Variants in PDPR observed in about 807,000 individuals in gnomAD.
PDPR encodes pyruvate dehydrogenase phosphatase regulatory subunit.
Under a neutral mutation model 102.2 loss-of-function variants are expected in PDPR, and 50 were observed. The ratio of observed to expected loss-of-function variants is 0.49; its 90% CI spans 0.39 to 0.62. The LOEUF is 0.62. Among genes scored for constraint, PDPR ranks in the 20% least tolerant of loss-of-function variants. The pLI is 0.00. For synonymous variants in PDPR, 259 were observed against 406.0 expected, an observed-to-expected ratio of 0.64 and a Z score of 4.35; for missense variants, 625 against 1,098.2, an observed-to-expected ratio of 0.57 and a Z score of 6.09.
chr16:70,131,037 T>G (rs1329532516), intron 7 of PDPR, among the ~76,000 whole-genome samples: 1 of 152,266 alleles, frequency 6.6e-6, no homozygotes, highest in Admixed American at 6.5e-5. Flanking sequence ...AGGCGTTTTA[T>G]CAAAAGGACC....
rs1567572099 is a variant in PDPR at position 70,159,981 on chromosome 16, G to A, written c.*3102G>A. The A allele has an allele frequency of 6.5e-6, 1 of 153,252 alleles. No homozygotes were observed. Among genetic ancestry groups the A allele is most frequent in the African/African-American group, 2.4e-5 (1 of 41,496 alleles). 9.5% of individuals were successfully genotyped at this position (153,252 alleles called of 1,614,324 possible). On this transcript the variant is annotated 3_prime_UTR_variant, in exon 19 of 19. Coordinates refer to ENST00000288050, the MANE Select transcript of PDPR (RefSeq NM_017990.5). ...GGGTGACTGGACTTGGCTTTACAGA[G>A]TTGGGTGCTTTTTTCTCTCTGCAAT... is the stretch of plus-strand genomic sequence containing the variant.
intron 3 of PDPR, among the ~76,000 whole-genome samples, chr16:70,126,610 A>C (rs1253527547): frequency 6.6e-6 from 1 of 152,340 alleles, no homozygotes; most frequent in South Asian, 2.1e-4. Context: ...TGATCCGCCC[A>C]CCTCAGCCTC....
chr16:70,134,379 C>A (rs528574265), intron 9 of PDPR, among the ~76,000 whole-genome samples: 40 of 152,126 alleles, frequency 2.6e-4, no homozygotes, highest in Middle Eastern at 3.4e-3. Flanking sequence ...GCGCCCACCA[C>A]AACGCAGAGC....
intron 16 of PDPR, 80 bp downstream of exon 16, chr16:70,146,308 A>G (rs1388155565): frequency 5.0e-6 from 8 of 1,603,766 alleles, no homozygotes; most frequent in South Asian, 4.4e-5. Flanking sequence ...TATTCTTACT[A>G]TGGTGTTAGC....
chr16:70,117,323 G>A (rs1054163111), intron 2 of PDPR, among the ~76,000 whole-genome samples: 2 of 134,724 alleles, frequency 1.5e-5, no homozygotes, highest in Admixed American at 7.5e-5. Flanking sequence ...GACCATCCTG[G>A]CTAACATGGT....
intron 2 of PDPR, 184 bp from the exon 3 acceptor site, chr16:70,120,277 C>T: frequency 2.0e-6 from 1 of 507,696 alleles, no homozygotes; most frequent in Non-Finnish European, 3.6e-6. Context: ...GTCTCGATCT[C>T]CTGACCTCGT....
rs1967720690 is a variant in PDPR, at chr16:70,160,901, T to C, written c.*4022T>C. ...GTGTCTCCTCTGGCATATGGACACA[T>C]TTCCTGGCATTTGCCTGAGTCTACA... On this transcript the variant is annotated 3_prime_UTR_variant, in exon 19 of 19. Transcript: ENST00000288050. 1 of 152,496 alleles carries C rather than the reference T, an allele frequency of 6.6e-6. No homozygotes were observed. The highest frequency in any genetic ancestry group is 1.5e-5 in the Non-Finnish European group (1 of 68,218). 9.4% of individuals were successfully genotyped at this position (152,496 alleles called of 1,614,324 possible).
intron 2 of PDPR, among the ~76,000 whole-genome samples, chr16:70,116,630 T>C (rs1353750174): frequency 6.7e-6 from 1 of 148,676 alleles, no homozygotes; most frequent in Non-Finnish European, 1.5e-5. Flanking sequence ...CGGGAACTGG[T>C]TAGTGAGGCC....
chr16:70,153,317 TCAGC>T, intron 17 of PDPR, 70 bp from the exon 18 acceptor site: 1 of 1,446,646 alleles, frequency 6.9e-7, no homozygotes, highest in Non-Finnish European at 9.4e-7. Flanking sequence ...GTGTGAGCCA[TCAGC>T]GCTTCCAGAC....
intron 8 of PDPR, 83 bp downstream of exon 8, chr16:70,131,502 A>G (rs1392524219): frequency 2.2e-6 from 3 of 1,345,838 alleles, no homozygotes; most frequent in African/African-American, 1.5e-5. Flanking sequence ...TGCTAAGGAC[A>G]GCCTGTGTCT....
intron 16 of PDPR, chr16:70,147,649 G>A (rs757663784): frequency 5.5e-4 from 246 of 450,800 alleles, no homozygotes; most frequent in Middle Eastern, 3.3e-4. Flanking sequence ...AGACATCTTG[G>A]CCACCTGTAA....
intron 4 of PDPR, 32 bp downstream of exon 4, chr16:70,127,425 C>A: frequency 1.2e-6 from 2 of 1,600,698 alleles, no homozygotes; most frequent in Non-Finnish European, 8.5e-7. Context: ...ATTGCTTTGC[C>A]TGTCCCTGAG....
chr16:70,127,790 CA>C (rs1964127376), intron 4 of PDPR, among the ~76,000 whole-genome samples: 2 of 152,398 alleles, frequency 1.3e-5, no homozygotes, highest in African/African-American at 4.8e-5. Flanking sequence ...GTGTTGATTA[CA>C]GACAACAGGA....
At chr16:70,147,460 C>A in intron 16 of PDPR, 1 of 374,720 alleles carries the variant, frequency 2.7e-6, no homozygotes, top group South Asian at 2.0e-5. Context: ...CACAGAGTAA[C>A]TTCTGTGTCT....
chr16:70,155,315 CTTG>C (rs147590526), intron 18 of PDPR, among the ~76,000 whole-genome samples: 15,201 of 146,262 alleles, frequency 0.1, no homozygotes, highest in African/African-American at 0.11. Context: ...GAGTTTCGTT[CTTG>C]TTGTCCAGGC....
At chr16:70,119,947 C>T (rs1305220540) in intron 2 of PDPR, among the ~76,000 whole-genome samples, 5 of 150,186 alleles carry the variant, frequency 3.3e-5, no homozygotes, top group Admixed American at 1.3e-4. Flanking sequence ...GACGGAGTCT[C>T]GCTCTGTCGC....
chr16:70,126,611 C>T (rs780128652), intron 3 of PDPR, among the ~76,000 whole-genome samples: 2 of 152,286 alleles, frequency 1.3e-5, no homozygotes, highest in South Asian at 2.1e-4. Context: ...GATCCGCCCA[C>T]CTCAGCCTCC....
chr16:70,138,038 C>CTTT (rs200071207), intron 10 of PDPR, among the ~76,000 whole-genome samples: 13,438 of 117,974 alleles, frequency 0.11, 285 homozygotes, highest in African/African-American at 0.12. Flanking sequence ...ATACCCAGCT[C>CTTT]TTTTTTTTTT....
At chr16:70,125,357 C>T (rs1490268000) in intron 3 of PDPR, among the ~76,000 whole-genome samples, 17 of 151,670 alleles carry the variant, frequency 1.1e-4, no homozygotes, top group South Asian at 1.0e-3. Flanking sequence ...ATCTGAGTGA[C>T]GAGCAAAACT....
Sources: allele counts gnomAD v4.1 joint callset (sites outside exome capture counted in the v4.1 genomes callset), GRCh38; gene constraint gnomAD v4.1.1; transcripts MANE v1.5; gene names NCBI Gene and HGNC (gene_info 2026-07-23, HGNC 2026-07-21).